Variants in NR2C2 observed in about 807,000 individuals in gnomAD.
NR2C2 encodes nuclear receptor subfamily 2 group C member 2, also known as Nuclear hormone receptor TR4.
NR2C2 carries 6 observed loss-of-function variants against 62.9 expected under a neutral mutation model. The observed-to-expected ratio is 0.10, with a 90% confidence interval of 0.05 to 0.19. The LOEUF is 0.19. NR2C2 is among the 10% of genes least tolerant of loss of function. The pLI, the probability that NR2C2 is intolerant of heterozygous loss-of-function variation, is 1.00. For missense variants in NR2C2, 479 were observed against 762.7 expected (o/e 0.63, Z 4.38); for synonymous variants, 272 against 273.8 (o/e 0.99, Z 0.07).
At chr3:14,958,669 A>AT (rs762092243) in intron 1 of NR2C2, among the ~76,000 whole-genome samples, 85 of 152,270 alleles carry the variant, frequency 5.6e-4, no homozygotes, top group Non-Finnish European at 1.0e-3. Flanking sequence ...AAACAATAGG[A>AT]TTTTTTTGTT....
At chr3:15,008,842 C>T (rs1020569962) in intron 2 of NR2C2, among the ~76,000 whole-genome samples, 2 of 152,190 alleles carry the variant, frequency 1.3e-5, no homozygotes, top group African/African-American at 4.8e-5. Context: ...TAGTGACACT[C>T]AAAAACTTTG....
intron 1 of NR2C2, among the ~76,000 whole-genome samples, chr3:14,967,105 CTT>C (rs1477338072): frequency 6.6e-6 from 1 of 152,012 alleles, no homozygotes; most frequent in Non-Finnish European, 1.5e-5. Flanking sequence ...CTTTTTGGGA[CTT>C]TGTTCATTTC....
chr3:14,958,051 G>T (rs559997853), intron 1 of NR2C2, among the ~76,000 whole-genome samples: 36 of 152,114 alleles, frequency 2.4e-4, no homozygotes, highest in Admixed American at 9.8e-4. Context: ...CTTCCTTCAA[G>T]ACCTAGTTTA....
chr3:14,965,564 A>G lies in NR2C2; in HGVS notation c.-40+17658A>G, dbSNP rs149343085. Among the ~76,000 whole-genome samples, 265 of 150,144 alleles carry G rather than the reference A, an allele frequency of 1.8e-3. 1 individual carries two copies. The highest frequency in any genetic ancestry group is 6.1e-3 in the African/African-American group (251 of 41,116). On this transcript the variant is annotated intron_variant, in intron 1 of 13. Coordinates refer to ENST00000425241, the MANE Select transcript of NR2C2 (RefSeq NM_001291694.2). ...AAAAAAAAGCATTTTTAGAGACTCAAAATAATGAAAGTCAGTCTCAATTTT... is the reference window on the plus strand; with the variant it reads ...AAAAAAAAGCATTTTTAGAGACTCAGAATAATGAAAGTCAGTCTCAATTTT...
At chr3:14,964,601 G>A (rs1325977789) in intron 1 of NR2C2, among the ~76,000 whole-genome samples, 1 of 151,604 alleles carries the variant, frequency 6.6e-6, no homozygotes, top group Non-Finnish European at 1.5e-5. Flanking sequence ...TGCAAGCTCT[G>A]CTTCCCAGGT....
At chr3:14,960,369 A>G (rs964766378) in intron 1 of NR2C2, among the ~76,000 whole-genome samples, 1 of 152,204 alleles carries the variant, frequency 6.6e-6, no homozygotes, top group African/African-American at 2.4e-5. Context: ...TCATATCTGT[A>G]GTCACCTGTT....
At chr3:15,008,311 C>T (rs2041251036) in intron 2 of NR2C2, among the ~76,000 whole-genome samples, 1 of 151,098 alleles carries the variant, frequency 6.6e-6, no homozygotes, top group Non-Finnish European at 1.5e-5. Flanking sequence ...CGCTTGATCT[C>T]AGGAGTTCAA....
At chr3:14,952,737 C>T (rs1284469610) in intron 1 of NR2C2, among the ~76,000 whole-genome samples, 2 of 151,884 alleles carry the variant, frequency 1.3e-5, no homozygotes, top group Non-Finnish European at 2.9e-5. Flanking sequence ...ACTTAATATG[C>T]CAGAGGCTGA....
chr3:15,018,418 C>T (rs2041574221), intron 4 of NR2C2, among the ~76,000 whole-genome samples: 1 of 152,178 alleles, frequency 6.6e-6, no homozygotes, highest in East Asian at 1.9e-4. Flanking sequence ...GCAAAAAAAA[C>T]AAGTAACCCA....
chr3:14,958,871 G>A (rs1336563513), intron 1 of NR2C2, among the ~76,000 whole-genome samples: 1 of 152,218 alleles, frequency 6.6e-6, no homozygotes, highest in Non-Finnish European at 1.5e-5. Context: ...AGCTACTGGG[G>A]AGGCTGAGGC....
At position 15,043,603 on chromosome 3, in the gene NR2C2, ATGT is replaced by A. The variant is rs1553576850; in HGVS notation, c.*599_*601del. 6.5e-6 allele frequency: 1 copy of A among 152,724 alleles called. No individual in the cohort carries two copies. Among genetic ancestry groups the A allele is most frequent in the Non-Finnish European group, 1.5e-5 (1 of 68,064 alleles). 9.5% of individuals were successfully genotyped at this position (152,724 alleles called of 1,614,324 possible). A position where few individuals can be genotyped will look rare whatever the true frequency, so the allele number is the denominator to read the frequency against. ...AGGCATCATTCCTAATTGTGTGCAC[ATGT>A]TGTGGAGTTGAGCTGAATTCTGTGA... On this transcript the variant is annotated 3_prime_UTR_variant, in exon 14 of 14. Coordinates refer to ENST00000425241, the MANE Select transcript of NR2C2 (RefSeq NM_001291694.2).
At chr3:15,031,984 C>T (rs1559306109) in intron 9 of NR2C2, among the ~76,000 whole-genome samples, 1 of 152,222 alleles carries the variant, frequency 6.6e-6, no homozygotes, top group Non-Finnish European at 1.5e-5. Context: ...CTGCCTCAGC[C>T]TCCCAAAGTG....
In NR2C2 at chr3:15,045,034, C is replaced by T. The variant is rs1006430849; in HGVS notation, c.*2026C>T. 1 of 152,184 alleles carries T rather than the reference C, an allele frequency of 6.6e-6. No homozygotes were observed. The highest frequency in any genetic ancestry group is 1.5e-5 in the Non-Finnish European group (1 of 68,034). The allele number at this position is 152,184 out of a possible 1,614,324, so 9.4% of individuals were successfully genotyped here. A position where few individuals can be genotyped will look rare whatever the true frequency, so the allele number is the denominator to read the frequency against. On this transcript the variant is annotated 3_prime_UTR_variant, in exon 14 of 14. Coordinates refer to ENST00000425241, the MANE Select transcript of NR2C2 (RefSeq NM_001291694.2). ...TTTTGCCAGCTTAAAGTAATTTTTA[C>T]TTTTCTAACCCTGATGTGTTTTCAG... is the stretch of plus-strand genomic sequence containing the variant.
rs1399569359 is a variant in NR2C2 at position 15,044,785 on chromosome 3, G to A, written c.*1777G>A. ...CAGACGCCCCTGTGGTGCCACATTG[G>A]ACAGAATGGAAGCTGCTGCAGGCTC... On this transcript the variant is annotated 3_prime_UTR_variant, in exon 14 of 14. Transcript: ENST00000425241. The A allele has an allele frequency of 1.3e-5, 2 of 152,276 alleles. No individual in the cohort carries two copies. The highest frequency in any genetic ancestry group is 4.8e-5 in the African/African-American group (2 of 41,464). 9.4% of individuals were successfully genotyped at this position (152,276 alleles called of 1,614,324 possible). A position where few individuals can be genotyped will look rare whatever the true frequency, so the allele number is the denominator to read the frequency against.
intron 1 of NR2C2, chr3:14,948,434 G>C (rs1411144667): frequency 1.3e-5 from 2 of 152,296 alleles, no homozygotes; most frequent in Middle Eastern, 3.1e-3. Flanking sequence ...CGGATGGGCT[G>C]GCTAATTGGC....
intron 1 of NR2C2, among the ~76,000 whole-genome samples, chr3:14,976,206 C>T (rs1022013283): frequency 1.3e-5 from 2 of 152,124 alleles, no homozygotes; most frequent in African/African-American, 4.8e-5. Flanking sequence ...TTTCTTATTT[C>T]TGTTAACATT....
intron 2 of NR2C2, among the ~76,000 whole-genome samples, chr3:15,010,563 A>T (rs571603822): frequency 8.4e-4 from 128 of 151,740 alleles, no homozygotes; most frequent in African/African-American, 3.0e-3. Context: ...AAAAAAAAAA[A>T]TTGCCAGGCA....
intron 1 of NR2C2, among the ~76,000 whole-genome samples, chr3:14,967,188 A>G (rs1381598029): frequency 6.6e-6 from 1 of 151,936 alleles, no homozygotes; most frequent in East Asian, 1.9e-4. Context: ...TATTTCTGTA[A>G]GGTCAGTGGT....
At chr3:14,965,000 G>A (rs1011187740) in intron 1 of NR2C2, among the ~76,000 whole-genome samples, 10 of 151,982 alleles carry the variant, frequency 6.6e-5, no homozygotes, top group African/African-American at 2.2e-4. Context: ...ACTCAGACTG[G>A]GATAATTTAG....
Sources: gnomAD v4.1 joint callset for allele counts (sites outside exome capture counted in the v4.1 genomes callset) on GRCh38, gnomAD v4.1.1 for gene constraint, MANE v1.5 for transcripts, NCBI Gene and HGNC (gene_info 2026-07-23, HGNC 2026-07-21) for gene names.